The following LRRC7 variants were observed in gnomAD, a reference collection of about 807,000 sequenced individuals.
LRRC7 encodes leucine rich repeat containing 7.
In LRRC7, 23 loss-of-function variants were observed where a neutral mutation model predicts 175.7. The observed-to-expected ratio is 0.13, with a 90% CI of 0.09 to 0.19. The LOEUF (loss-of-function observed/expected upper bound fraction) is 0.19, where lower values mean the gene tolerates loss of function less well. Among genes scored for constraint, LRRC7 ranks in the 10% least tolerant of loss-of-function variants. The pLI, the probability that LRRC7 is intolerant of heterozygous loss-of-function variation, is 1.00. For synonymous variants in LRRC7, 685 were observed against 680.9 expected, an observed-to-expected ratio of 1.01 and a Z score of -0.09; for missense variants, 1,354 against 1,904.7, an observed-to-expected ratio of 0.71 and a Z score of 5.38.
chr1:69,749,654 A>T (rs1669617831), intron 2 of LRRC7, among the ~76,000 whole-genome samples: 1 of 152,204 alleles, frequency 6.6e-6, no homozygotes, highest in Non-Finnish European at 1.5e-5. Flanking sequence ...TATTTTTTAA[A>T]AATATAAGTT....
At chr1:69,866,882 G>A (rs75932894) in intron 7 of LRRC7, among the ~76,000 whole-genome samples, 3,675 of 152,050 alleles carry the variant, frequency 0.024, 155 homozygotes, top group African/African-American at 0.084. Context: ...AATATTTTTA[G>A]CAATGTATCT....
At chr1:69,590,879 A>T (rs1026429965) in intron 1 of LRRC7, among the ~76,000 whole-genome samples, 6 of 152,276 alleles carry the variant, frequency 3.9e-5, no homozygotes, top group Middle Eastern at 3.4e-3. Flanking sequence ...TTAATCTCAC[A>T]GAGAGGTAAG....
chr1:69,809,926 AT>A (rs1557758451), intron 4 of LRRC7, among the ~76,000 whole-genome samples: 1 of 152,228 alleles, frequency 6.6e-6, no homozygotes, highest in Non-Finnish European at 1.5e-5. Context: ...GGCCAGGGCA[AT>A]CAGGCAAGAG....
At chr1:69,589,584 T>C (rs1284395573) in intron 1 of LRRC7, among the ~76,000 whole-genome samples, 3 of 152,070 alleles carry the variant, frequency 2.0e-5, no homozygotes, top group Admixed American at 6.6e-5. Context: ...ACTTCCAGGG[T>C]TGTATTTTGG....
At chr1:70,121,264 TAAA>T (rs1666191359) in intron 26 of LRRC7, among the ~76,000 whole-genome samples, 1 of 152,012 alleles carries the variant, frequency 6.6e-6, no homozygotes, top group South Asian at 2.1e-4. Flanking sequence ...ATAAGGGAAA[TAAA>T]AAATATTTCT....
chr1:69,683,918 T>A (rs566825707), intron 2 of LRRC7, among the ~76,000 whole-genome samples: 1 of 152,142 alleles, frequency 6.6e-6, no homozygotes, highest in South Asian at 2.1e-4. Flanking sequence ...AAAGGAAAGA[T>A]GATGAAATAA....
chr1:69,836,941 T>C (rs549127901), intron 6 of LRRC7, among the ~76,000 whole-genome samples: 18 of 151,372 alleles, frequency 1.2e-4, no homozygotes, highest in Non-Finnish European at 1.9e-4. Flanking sequence ...ATATGGGAGA[T>C]GTAGATGAAA....
chr1:69,926,462 T>A (rs556745766), intron 7 of LRRC7, among the ~76,000 whole-genome samples: 86 of 139,930 alleles, frequency 6.1e-4, no homozygotes, highest in African/African-American at 1.9e-3. Context: ...TGTAGGTCAC[T>A]AAGGACTTGC....
chr1:69,679,129 G>A (rs1007052933), intron 2 of LRRC7, among the ~76,000 whole-genome samples: 2 of 152,038 alleles, frequency 1.3e-5, no homozygotes, highest in African/African-American at 2.4e-5. Context: ...GTAGCAGATT[G>A]TTGGAGACTC....
chr1:69,753,468 A>G (rs1570631416), intron 2 of LRRC7, among the ~76,000 whole-genome samples: 1 of 152,008 alleles, frequency 6.6e-6, no homozygotes, highest in South Asian at 2.1e-4. Context: ...TAGGTCTACT[A>G]ATTATTTTGT....
intron 7 of LRRC7, among the ~76,000 whole-genome samples, chr1:69,918,268 C>A (rs1333690382): frequency 2.6e-5 from 4 of 152,164 alleles, no homozygotes; most frequent in African/African-American, 9.7e-5. Flanking sequence ...GGTGGAGAAA[C>A]CCTGCGTCTC....
At chr1:69,955,715 C>T (rs575554844) in intron 8 of LRRC7, among the ~76,000 whole-genome samples, 11 of 151,914 alleles carry the variant, frequency 7.2e-5, no homozygotes, top group South Asian at 6.2e-4. Context: ...GTAATATAAA[C>T]GAAAAATTTG....
chr1:70,129,608 C>T lies in LRRC7; in HGVS notation c.*7721C>T, dbSNP rs921016865. ...CCCTCCTATGACCACTGTCAGGGAG[C>T]GTGGGAATCCATGCTGTCCAATGTT... On this transcript the variant is annotated 3_prime_UTR_variant, in exon 27 of 27. Transcript: ENST00000651989. 2.0e-5 allele frequency among the ~76,000 whole-genome samples: 3 copies of T among 152,082 alleles called. No individual in the cohort carries two copies. Among genetic ancestry groups the T allele is most frequent in the Non-Finnish European group, 2.9e-5 (2 of 68,020 alleles).
intron 4 of LRRC7, among the ~76,000 whole-genome samples, chr1:69,822,086 T>C (rs1179602652): frequency 1.3e-5 from 2 of 152,168 alleles, no homozygotes; most frequent in Non-Finnish European, 2.9e-5. Context: ...TCTCAGACTT[T>C]TGCTGTGGAT....
chr1:70,021,974 C>A (rs1657551692), intron 16 of LRRC7, among the ~76,000 whole-genome samples: 1 of 152,078 alleles, frequency 6.6e-6, no homozygotes, highest in Non-Finnish European at 1.5e-5. Flanking sequence ...CATATGTGTT[C>A]TATTAATAAA....
chr1:69,663,511 C>T, intron 1 of LRRC7, among the ~76,000 whole-genome samples: 1 of 151,896 alleles, frequency 6.6e-6, no homozygotes, highest in African/African-American at 2.4e-5. Flanking sequence ...TTTTTAATTG[C>T]ACAATTAAAT....
At chr1:69,695,010 T>C (rs1662390187) in intron 2 of LRRC7, among the ~76,000 whole-genome samples, 1 of 152,162 alleles carries the variant, frequency 6.6e-6, no homozygotes, top group Non-Finnish European at 1.5e-5. Context: ...CGTTCGGAAC[T>C]GGATAATAGG....
chr1:70,064,231 G>A (rs1661795056), intron 23 of LRRC7, among the ~76,000 whole-genome samples: 2 of 151,912 alleles, frequency 1.3e-5, no homozygotes, highest in South Asian at 4.1e-4. Flanking sequence ...TGAAATGGGA[G>A]AACATAGATT....
Position 70,126,453 on chromosome 1 carries a change from G to A in LRRC7, c.*4566G>A, listed in dbSNP as rs1219754767. On this transcript the variant is annotated 3_prime_UTR_variant, in exon 27 of 27. Coordinates refer to ENST00000651989, the MANE Select transcript of LRRC7 (RefSeq NM_001370785.2). ...TGTTCAAACTCTGGGTTGGTAATGT[G>A]TCCTCTCTTCACACTTGTAGCTACC... 6.6e-6 allele frequency among the ~76,000 whole-genome samples: 1 copy of A among 152,056 alleles called. No individual in the cohort carries two copies. Among genetic ancestry groups the A allele is most frequent in the Non-Finnish European group, 1.5e-5 (1 of 68,026 alleles).
Sources: allele counts gnomAD v4.1 joint callset (sites outside exome capture counted in the v4.1 genomes callset), GRCh38; gene constraint gnomAD v4.1.1; transcripts MANE v1.5; gene names NCBI Gene and HGNC (gene_info 2026-07-23, HGNC 2026-07-21).